The following PAK2 variants were observed in gnomAD, a reference collection of about 807,000 sequenced individuals.
PAK2 encodes serine/threonine-protein kinase PAK 2.
A neutral mutation model predicts 65.9 loss-of-function variants in PAK2; 21 were observed. The ratio of observed to expected loss-of-function variants is 0.32; its 90% CI spans 0.23 to 0.46. The LOEUF (loss-of-function observed/expected upper bound fraction) is 0.46, where lower values mean the gene tolerates loss of function less well. Among genes scored for constraint, PAK2 ranks in the 20% least tolerant of loss-of-function variants. PAK2 has a pLI of 1.00. For synonymous variants in PAK2, 204 were observed against 219.7 expected (o/e 0.93, Z 0.63); for missense variants, 324 against 642.6 (o/e 0.50, Z 5.36).
intron 10 of PAK2, among the ~76,000 whole-genome samples, 186 bp from the exon 11 acceptor site, chr3:196,814,265 C>T (rs1715921556): frequency 1.3e-5 from 2 of 152,132 alleles, no homozygotes; most frequent in African/African-American, 2.4e-5. Context: ...TAAAATGATT[C>T]AGGATCATAA....
At chr3:196,827,076 C>A in intron 13 of PAK2, 120 bp from the exon 14 acceptor site, 1 of 548,730 alleles carries the variant, frequency 1.8e-6, no homozygotes, top group South Asian at 3.5e-5. Flanking sequence ...TAATGATAAC[C>A]CCAGTTTAGT....
Position 196,807,918 on chromosome 3 carries a change from T to G in PAK2, c.709+4T>G. ...GAAGAGATTATGGAGAAATTAAGTA[T>G]GTTATCTACATTTTACATCATTGTT... On this transcript the variant is annotated splice_donor_region_variant and intron_variant, in intron 7 of 14. Transcript: ENST00000327134. 6.3e-7 allele frequency: 1 copy of G among 1,589,506 alleles called. No homozygotes were observed. The highest frequency in any genetic ancestry group is 2.2e-5 in the East Asian group (1 of 44,750).
chr3:196,766,101 T>C (rs1316776651), intron 1 of PAK2, among the ~76,000 whole-genome samples: 2 of 152,076 alleles, frequency 1.3e-5, no homozygotes, highest in Non-Finnish European at 2.9e-5. Context: ...TTCACCATGC[T>C]GGCCAGGTTG....
Position 196,802,149 on chromosome 3 carries a change from AG to A in PAK2, c.288+123del, listed in dbSNP as rs1715440135. 4.5e-6 allele frequency: 3 copies of A among 663,248 alleles called. No homozygotes were observed. In the South Asian group the frequency reaches 5.3e-5, roughly 12 times the overall value. The allele number at this position is 663,248 out of a possible 1,614,324, so 41.1% of individuals were successfully genotyped here. ...TGCGGTGGCACACGCCTGTAATCCCAGCACTTTGGGAGGCCAAGGCTGGCAG... is the reference window on the plus strand; with the variant it reads ...TGCGGTGGCACACGCCTGTAATCCCACACTTTGGGAGGCCAAGGCTGGCAG... On this transcript the variant is annotated intron_variant, in intron 3 of 14. Coordinates refer to ENST00000327134, the MANE Select transcript of PAK2 (RefSeq NM_002577.4).
intron 11 of PAK2, 73 bp downstream of exon 11, chr3:196,814,641 T>C: frequency 1.4e-6 from 1 of 735,560 alleles, no homozygotes; most frequent in Non-Finnish European, 2.5e-6. Flanking sequence ...GAAATTTTTC[T>C]GCACAGGTAA....
At chr3:196,827,063 G>A (rs1448151848) in intron 13 of PAK2, 133 bp from the exon 14 acceptor site, 37 of 492,232 alleles carry the variant, frequency 7.5e-5, no homozygotes, top group Non-Finnish European at 1.2e-4. Context: ...AATTTAAATG[G>A]GATAATGATA....
Position 196,763,522 on chromosome 3 carries a change from G to T in PAK2, c.-21-19104G>T, listed in dbSNP as rs139835754. Among the ~76,000 whole-genome samples, 8 of 152,256 alleles carry T rather than the reference G, an allele frequency of 5.3e-5. No homozygotes were observed. The East Asian group carries it at 1.5e-3, about 29-fold the overall frequency. ...GGAATGGACAGAAATGATGAATTTG[G>T]AATGGAGAGGCACTAGATCAGTAAC... On this transcript the variant is annotated intron_variant, in intron 1 of 14. Transcript: ENST00000327134.
intron 1 of PAK2, among the ~76,000 whole-genome samples, chr3:196,753,402 A>G (rs1368733445): frequency 1.4e-5 from 2 of 147,582 alleles, no homozygotes; most frequent in African/African-American, 5.1e-5. Flanking sequence ...ATGCCACCAC[A>G]CCCGCCTAAT....
At chr3:196,767,195 A>G (rs1057285248) in intron 1 of PAK2, among the ~76,000 whole-genome samples, 8 of 152,244 alleles carry the variant, frequency 5.3e-5, no homozygotes, top group South Asian at 2.1e-4. Context: ...AGTTACTTCC[A>G]GTCTTTTGCT....
In PAK2 at chr3:196,817,395, G is replaced by C. The variant is rs548456558; in HGVS notation, c.1054-662G>C. Among the ~76,000 whole-genome samples the C allele has an allele frequency of 3.3e-5, 5 of 152,014 alleles. No homozygotes were observed. The East Asian group carries it at 9.7e-4, about 29-fold the overall frequency. On this transcript the variant is annotated intron_variant, in intron 11 of 14. Transcript: ENST00000327134. ...AGATGGAGTCTTGCTCTGTCACCCA[G>C]GCTGGAGTGCAGTGGTGCGATCTTG...
Position 196,831,506 on chromosome 3 carries a change from GCA to G in PAK2, c.*3104_*3105del, listed in dbSNP as rs1712084526. On this transcript the variant is annotated 3_prime_UTR_variant, in exon 15 of 15. Coordinates refer to ENST00000327134, the MANE Select transcript of PAK2 (RefSeq NM_002577.4). Reference sequence around the variant, plus strand: ...TCTGTCTTCATGTGTTGACTGCCTGGCACATAGTATTCATTCTCTTCCCTTTA... The same window carrying G: ...TCTGTCTTCATGTGTTGACTGCCTGGCATAGTATTCATTCTCTTCCCTTTA... The G allele has an allele frequency of 6.6e-6, 1 of 152,162 alleles. No individual in the cohort carries two copies. The highest frequency in any genetic ancestry group is 2.4e-5 in the African/African-American group (1 of 41,444). 9.4% of individuals were successfully genotyped at this position (152,162 alleles called of 1,614,324 possible).
chr3:196,743,103 G>GAA (rs11436369), intron 1 of PAK2, among the ~76,000 whole-genome samples: 1 of 151,916 alleles, frequency 6.6e-6, no homozygotes, highest in African/African-American at 2.4e-5. Flanking sequence ...AATAGGAAAG[G>GAA]AAAAAAATCC....
Position 196,803,049 on chromosome 3 carries a change from G to A in PAK2, c.321G>A (p.Gln107=), listed in dbSNP as rs761898736. The change falls in exon 4 of 15, where the codon CAG becomes CAA. Residue 107 remains glutamine, a synonymous_variant. Coordinates refer to ENST00000327134, the MANE Select transcript of PAK2 (RefSeq NM_002577.4). ...GMPEQWARLL[Q]TSNITKLEQK... ...CAGAACAGTGGGCTCGATTACTACA[G>A]ACCTCCAATATCACCAAACTAGAGC... is the stretch of plus-strand genomic sequence containing the variant. 19 of 1,611,216 alleles carry A rather than the reference G, an allele frequency of 1.2e-5. No homozygotes were observed. Among genetic ancestry groups the A allele is most frequent in the Non-Finnish European group, 1.6e-5 (19 of 1,178,528 alleles).
In PAK2 at chr3:196,820,610, G is replaced by A; in HGVS notation, c.1350+43G>A. ...CCAGCCTTGTTCAATGTTTTTCTTT[G>A]AAACTCTTATTTAGAACTTGCACGT... On this transcript the variant is annotated intron_variant, in intron 13 of 14. Coordinates refer to ENST00000327134, the MANE Select transcript of PAK2 (RefSeq NM_002577.4). This position sits in a 1 kb window ranked among gnomAD's most constrained non-coding sequence, Gnocchi z 4.6. The A allele has an allele frequency of 8.6e-7, 1 of 1,157,802 alleles. No individual in the cohort carries two copies. The highest frequency in any genetic ancestry group is 1.2e-6 in the Non-Finnish European group (1 of 822,862). The allele number at this position is 1,157,802 out of a possible 1,614,324, so 71.7% of individuals were successfully genotyped here.
chr3:196,747,732 TCTTA>T (rs1426149848), intron 1 of PAK2, among the ~76,000 whole-genome samples: 1 of 152,186 alleles, frequency 6.6e-6, no homozygotes, highest in Non-Finnish European at 1.5e-5. Context: ...TATAAATAGT[TCTTA>T]CTAAATATAG....
intron 2 of PAK2, among the ~76,000 whole-genome samples, chr3:196,783,834 A>G (rs953104171): frequency 3.9e-5 from 6 of 151,904 alleles, no homozygotes; most frequent in African/African-American, 1.5e-4. Context: ...TGCTGTCTGC[A>G]TTTTTTCCAC....
intron 13 of PAK2, among the ~76,000 whole-genome samples, chr3:196,822,212 T>G (rs1577751605): frequency 6.6e-6 from 1 of 152,252 alleles, no homozygotes; most frequent in East Asian, 1.9e-4. Context: ...GTACCTGCCA[T>G]GCGCTGAGCA....
chr3:196,781,149 T>C (rs893199372), intron 1 of PAK2, among the ~76,000 whole-genome samples: 3 of 152,252 alleles, frequency 2.0e-5, no homozygotes, highest in Non-Finnish European at 4.4e-5. Context: ...ATAAAAAATT[T>C]GTTTTTAAGT....
chr3:196,820,300 T>C lies in PAK2; in HGVS notation c.1154-71T>C, dbSNP rs1711606141. On this transcript the variant is annotated intron_variant, in intron 12 of 14. Transcript: ENST00000327134. The surrounding 1 kb of genome is among the most constrained non-coding windows in gnomAD (Gnocchi z 4.6). ...AATAGTCAAAATATAATTAATTACA[T>C]AATCTGAAGTGAACTCTTCTGCTAA... 1 of 773,872 alleles carries C rather than the reference T, an allele frequency of 1.3e-6. No individual in the cohort carries two copies. The highest frequency in any genetic ancestry group is 1.8e-5 in the African/African-American group (1 of 56,464). 47.9% of individuals were successfully genotyped at this position (773,872 alleles called of 1,614,324 possible). A position where few individuals can be genotyped will look rare whatever the true frequency, so the allele number is the denominator to read the frequency against.
Sources: allele counts gnomAD v4.1 joint callset (sites outside exome capture counted in the v4.1 genomes callset), GRCh38; gene constraint gnomAD v4.1.1; non-coding constraint Gnocchi (gnomAD v3.1); transcripts MANE v1.5; gene names NCBI Gene and HGNC (gene_info 2026-07-23, HGNC 2026-07-21).